Variants in LPP observed in about 807,000 individuals in gnomAD.
LPP encodes the protein LIM domain containing preferred translocation partner in lipoma.
Under a neutral mutation model 60.4 loss-of-function variants are expected in LPP, and 38 were observed. The observed-to-expected ratio is 0.63, with a 90% CI of 0.49 to 0.83. The LOEUF (loss-of-function observed/expected upper bound fraction) is 0.83, where lower values mean the gene tolerates loss of function less well. Among genes scored for constraint, LPP ranks in the 40% least tolerant of loss-of-function variants. LPP has a pLI of 0.00. For missense variants in LPP, 902 were observed against 783.6 expected, an observed-to-expected ratio of 1.15 and a Z score of -1.80; for synonymous variants, 328 against 290.8, an observed-to-expected ratio of 1.13 and a Z score of -1.30.
chr3:188,222,918 TA>T (rs539689238), intron 1 of LPP, among the ~76,000 whole-genome samples: 12 of 152,124 alleles, frequency 7.9e-5, no homozygotes, highest in Middle Eastern at 3.4e-3. Context: ...TATATTTTCT[TA>T]AAAAAAATAC....
At position 188,883,316 on chromosome 3, in the gene LPP, G is replaced by A; in HGVS notation, c.*8837G>A. 1 of 215,766 alleles carries A rather than the reference G, an allele frequency of 4.6e-6. No individual in the cohort carries two copies. Among genetic ancestry groups the A allele is most frequent in the East Asian group, 6.8e-5 (1 of 14,686 alleles). 13.4% of individuals were successfully genotyped at this position (215,766 alleles called of 1,614,324 possible). A position where few individuals can be genotyped will look rare whatever the true frequency, so the allele number is the denominator to read the frequency against. On this transcript the variant is annotated 3_prime_UTR_variant, in exon 12 of 12. Transcript: ENST00000617246. Reference sequence around the variant, plus strand: ...TTTGTGAGTTTTTTTGTTGCTGGTTGTACTTTCCTATTTAGAAGACAGACC... The same window carrying A: ...TTTGTGAGTTTTTTTGTTGCTGGTTATACTTTCCTATTTAGAAGACAGACC...
intron 9 of LPP, among the ~76,000 whole-genome samples, chr3:188,818,241 T>C (rs1056722340): frequency 1.3e-5 from 2 of 152,138 alleles, no homozygotes; most frequent in East Asian, 1.9e-4. Flanking sequence ...CTCCTTTTTT[T>C]CCCCCAGTAC....
At chr3:188,581,902 G>T (rs1284601465) in intron 6 of LPP, among the ~76,000 whole-genome samples, 3 of 151,944 alleles carry the variant, frequency 2.0e-5, no homozygotes, top group African/African-American at 7.3e-5. Flanking sequence ...CTTACAGTCT[G>T]TGGTTCAATA....
chr3:188,593,110 A>G (rs1350710685), intron 6 of LPP, among the ~76,000 whole-genome samples: 2 of 151,886 alleles, frequency 1.3e-5, no homozygotes, highest in Non-Finnish European at 2.9e-5. Context: ...GAAGAAATCT[A>G]GGAATAGAAT....
At chr3:188,466,804 AACATAT>A (rs1244011938) in intron 4 of LPP, among the ~76,000 whole-genome samples, 3,477 of 72,916 alleles carry the variant, frequency 0.048, 494 homozygotes, top group African/African-American at 0.1. Context: ...GTCATCTCAG[AACATAT>A]ATATATATAT....
intron 2 of LPP, among the ~76,000 whole-genome samples, chr3:188,280,240 A>T (rs1741443124): frequency 6.6e-6 from 1 of 152,154 alleles, no homozygotes; most frequent in Non-Finnish European, 1.5e-5. Context: ...GCCCAGATGA[A>T]AGGAGAAAGC....
intron 9 of LPP, among the ~76,000 whole-genome samples, chr3:188,830,817 C>A (rs918368261): frequency 1.6e-4 from 25 of 152,136 alleles, no homozygotes; most frequent in Admixed American, 1.4e-3. Context: ...CATTATGGGC[C>A]GAGTTTATTG....
At chr3:188,811,317 G>A (rs1466731991) in intron 9 of LPP, among the ~76,000 whole-genome samples, 1 of 150,486 alleles carries the variant, frequency 6.6e-6, no homozygotes, top group Non-Finnish European at 1.5e-5. Flanking sequence ...TGACCTTAGG[G>A]GTCTTGAAAG....
At position 188,887,478 on chromosome 3, in the gene LPP, A is replaced by G. The variant is rs931612725; in HGVS notation, c.*12999A>G. 4 of 216,322 alleles carry G rather than the reference A, an allele frequency of 1.8e-5. No homozygotes were observed. Among genetic ancestry groups the G allele is most frequent in the Non-Finnish European group, 3.7e-5 (4 of 107,444 alleles). The allele number at this position is 216,322 out of a possible 1,614,324, so 13.4% of individuals were successfully genotyped here. ...AGAGATTTTTATAATTTAAATGCCAACGACAGGAATGGCCTCATGTTTTAA... is the reference window on the plus strand; with the variant it reads ...AGAGATTTTTATAATTTAAATGCCAGCGACAGGAATGGCCTCATGTTTTAA... On this transcript the variant is annotated 3_prime_UTR_variant, in exon 12 of 12. Transcript: ENST00000617246.
intron 5 of LPP, 133 bp downstream of exon 5, chr3:188,484,837 G>A: frequency 1.6e-6 from 1 of 641,360 alleles, no homozygotes; most frequent in Non-Finnish European, 2.7e-6. Flanking sequence ...CCTATTGAGA[G>A]CTTTACAACT....
At chr3:188,301,506 G>T (rs1401952768) in intron 2 of LPP, among the ~76,000 whole-genome samples, 1 of 152,164 alleles carries the variant, frequency 6.6e-6, no homozygotes, top group East Asian at 1.9e-4. Context: ...AGAATCAGTT[G>T]CCAGGACATA....
chr3:188,407,768 G>GT (rs760058728), intron 4 of LPP, among the ~76,000 whole-genome samples: 184 of 61,250 alleles, frequency 3.0e-3, no homozygotes, highest in African/African-American at 5.1e-3. Flanking sequence ...CTCATTTATG[G>GT]TTTTTTTTTT....
At chr3:188,332,434 CACAA>C (rs1760365167) in intron 2 of LPP, among the ~76,000 whole-genome samples, 1 of 152,192 alleles carries the variant, frequency 6.6e-6, no homozygotes, top group South Asian at 2.1e-4. Context: ...ATTTCAATTT[CACAA>C]ACACTTACTA....
intron 6 of LPP, among the ~76,000 whole-genome samples, chr3:188,547,850 G>A (rs1227845386): frequency 6.6e-6 from 1 of 152,136 alleles, no homozygotes; most frequent in Non-Finnish European, 1.5e-5. Context: ...GAGGTGTTCT[G>A]ACTGAAATAA....
At chr3:188,189,564 G>C (rs1727560367) in intron 1 of LPP, among the ~76,000 whole-genome samples, 2 of 152,202 alleles carry the variant, frequency 1.3e-5, no homozygotes, top group Non-Finnish European at 2.9e-5. Context: ...AAAATGATAG[G>C]GTTGTATCTG....
At chr3:188,771,561 A>T (rs1192481249) in intron 9 of LPP, among the ~76,000 whole-genome samples, 2 of 121,664 alleles carry the variant, frequency 1.6e-5, no homozygotes, top group Non-Finnish European at 3.3e-5. Context: ...AAAAAAAAAA[A>T]AAAAAGAAAG....
intron 3 of LPP, among the ~76,000 whole-genome samples, chr3:188,370,082 C>G (rs1772547906): frequency 6.6e-6 from 1 of 152,128 alleles, no homozygotes; most frequent in Admixed American, 6.5e-5. Flanking sequence ...TGCCTACCAC[C>G]ACACCCAGCT....
At chr3:188,254,427 G>A (rs916704866) in intron 2 of LPP, among the ~76,000 whole-genome samples, 4 of 152,274 alleles carry the variant, frequency 2.6e-5, no homozygotes, top group African/African-American at 9.6e-5. Flanking sequence ...GGGTTTCTGT[G>A]GTGGAATGGG....
chr3:188,317,204 C>T (rs764216364), intron 2 of LPP, among the ~76,000 whole-genome samples: 7 of 151,964 alleles, frequency 4.6e-5, no homozygotes, highest in Non-Finnish European at 7.4e-5. Context: ...TCGTTTCTAC[C>T]AGAATCAGTT....
Sources: gnomAD v4.1 joint callset for allele counts (sites outside exome capture counted in the v4.1 genomes callset) on GRCh38, gnomAD v4.1.1 for gene constraint, MANE v1.5 for transcripts, NCBI Gene and HGNC (gene_info 2026-07-23, HGNC 2026-07-21) for gene names.